Variants in ASPSCR1 observed in about 807,000 individuals in gnomAD.
ASPSCR1 encodes the protein tether containing UBX domain for GLUT4.
A neutral mutation model predicts 68.9 loss-of-function variants in ASPSCR1; 55 were observed. The observed-to-expected ratio is 0.80, with a 90% CI of 0.64 to 1.00. ASPSCR1 has a LOEUF of 1.00. Among genes scored for constraint, ASPSCR1 ranks in the 50% least tolerant of loss-of-function variants. The probability of loss-of-function intolerance (pLI) is 0.00; values close to 1 mark genes in which losing one functional copy is unlikely to be tolerated. For synonymous variants in ASPSCR1, 352 were observed against 332.6 expected (o/e 1.06, Z -0.63); for missense variants, 765 against 762.2 (o/e 1.00, Z -0.04).
chr17:81,983,551 C>A lies in ASPSCR1; in HGVS notation c.159-3C>A. 5.0e-6 allele frequency: 8 copies of A among 1,607,966 alleles called. No individual in the cohort carries two copies. Among genetic ancestry groups the A allele is most frequent in the Non-Finnish European group, 6.8e-6 (8 of 1,176,314 alleles). On this transcript the variant is annotated splice_region_variant and splice_polypyrimidine_tract_variant and intron_variant, in intron 2 of 15. Transcript: ENST00000306739. This position sits in a 1 kb window ranked among gnomAD's most constrained non-coding sequence, Gnocchi z 4.4. ...AGCAAGTGTGCTCTGGTCTGTCTTG[C>A]AGGTTTCAGAGGAGCGTGCTCGACC...
intron 1 of ASPSCR1, chr17:81,978,750 G>A (rs2041696659): frequency 8.7e-6 from 2 of 230,630 alleles, no homozygotes; most frequent in South Asian, 5.1e-5. Context: ...GCAAGGCCAC[G>A]GCTTTGGCTT....
rs762974117 is a variant in ASPSCR1, at chr17:82,009,098, G to A, written c.995G>A (p.Arg332Gln). Residue 332 changes from arginine (R) to glutamine (Q), a missense_variant, in exon 8 of 16, where the codon CGG becomes CAG. Arg to Gln is a conservative substitution (Grantham distance 43). Coordinates refer to ENST00000306739, the MANE Select transcript of ASPSCR1 (RefSeq NM_024083.4). ...GTGTGCCACCCCGACCTGGAGGAGC[G>A]GCTGCAGGCCTGGCCAGCGGAGCTG... ...PVVCHPDLEE[R>Q]LQAWPAELPD... is the part of the protein sequence containing the mutation. 8 of 1,592,948 alleles carry A rather than the reference G, an allele frequency of 5.0e-6. No individual in the cohort carries two copies. The highest frequency in any genetic ancestry group is 1.3e-5 in the African/African-American group (1 of 74,620).
intron 3 of ASPSCR1, among the ~76,000 whole-genome samples, chr17:81,985,279 C>A (rs2041959390): frequency 1.3e-5 from 2 of 152,246 alleles, no homozygotes; most frequent in South Asian, 4.1e-4. Context: ...CCTGCACATA[C>A]CTGCACACTC....
rs2041996169 is a variant in ASPSCR1 at position 81,986,428 on chromosome 17, C to T, written c.374+821C>T. On this transcript the variant is annotated intron_variant, in intron 4 of 15. Transcript: ENST00000306739. The surrounding 1 kb of genome is among the most constrained non-coding windows in gnomAD (Gnocchi z 5.2). ...TGGGCAACAGAACGAGACTCTGTCT[C>T]AAAAAAATAAATAAATAAAAATAAG... Among the ~76,000 whole-genome samples, 1 of 152,040 alleles carries T rather than the reference C, an allele frequency of 6.6e-6. No individual in the cohort carries two copies. Among genetic ancestry groups the T allele is most frequent in the Non-Finnish European group, 1.5e-5 (1 of 67,982 alleles).
In ASPSCR1 at chr17:81,983,484, T is replaced by C; in HGVS notation, c.159-70T>C. On this transcript the variant is annotated intron_variant, in intron 2 of 15. Coordinates refer to ENST00000306739, the MANE Select transcript of ASPSCR1 (RefSeq NM_024083.4). The surrounding 1 kb of genome is among the most constrained non-coding windows in gnomAD (Gnocchi z 4.4). ...CGGGGCGTGGATGGTGGGACGGGGA[T>C]GGCGGGGCGTGGATGGCAGGGCGTG... 7.8e-7 allele frequency: 1 copy of C among 1,284,844 alleles called. No individual in the cohort carries two copies. 79.6% of individuals were successfully genotyped at this position (1,284,844 alleles called of 1,614,324 possible). A position where few individuals can be genotyped will look rare whatever the true frequency, so the allele number is the denominator to read the frequency against.
intron 4 of ASPSCR1, among the ~76,000 whole-genome samples, chr17:81,991,800 A>G (rs1567965460): frequency 6.6e-6 from 1 of 152,236 alleles, no homozygotes; most frequent in South Asian, 2.1e-4. Context: ...GGCAGGGCGC[A>G]TGCTGCTGCC....
chr17:82,000,452 CGCCGCCA>C (rs925186083), intron 7 of ASPSCR1, among the ~76,000 whole-genome samples: 58 of 152,220 alleles, frequency 3.8e-4, no homozygotes, highest in African/African-American at 1.3e-3. Context: ...CGCCTCCCAT[CGCCGCCA>C]GCCGCACACG....
intron 12 of ASPSCR1, chr17:82,014,951 G>A: frequency 2.5e-6 from 3 of 1,180,212 alleles, no homozygotes; most frequent in Non-Finnish European, 3.5e-6. Context: ...CCAGGCAGGG[G>A]CAGCCTGAGA....
At position 82,016,952 on chromosome 17, in the gene ASPSCR1, G is replaced by A. The variant is rs904435024; in HGVS notation, c.1487G>A (p.Arg496Lys). ...ADVLVARYMS[R>K]AAGSPSPLPA... ...TCGCCTCCCCACAGGTACATGTCCA[G>A]GGCCGCCGGGTCCCCTTCCCCATTG... Residue 496 changes from arginine (R) to lysine (K), a missense_variant, in exon 15 of 16, where the codon AGG (arginine) becomes AAG (lysine). Transcript: ENST00000306739. 18 of 1,611,614 alleles carry A rather than the reference G, an allele frequency of 1.1e-5. No homozygotes were observed. The highest frequency in any genetic ancestry group is 1.5e-5 in the Non-Finnish European group (18 of 1,179,242).
rs1342947700 is a variant in ASPSCR1 at position 81,983,182 on chromosome 17, G to C, written c.159-372G>C. Among the ~76,000 whole-genome samples, 2 of 152,178 alleles carry C rather than the reference G, an allele frequency of 1.3e-5. No individual in the cohort carries two copies. The highest frequency in any genetic ancestry group is 3.8e-4 in the East Asian group (2 of 5,202). ...TGTGGTGGCTCCAGCCGTGACGGCC[G>C]GGGTCTGTGACACTCCAGCTTCCGC... On this transcript the variant is annotated intron_variant, in intron 2 of 15. Coordinates refer to ENST00000306739, the MANE Select transcript of ASPSCR1 (RefSeq NM_024083.4). The surrounding 1 kb of genome is among the most constrained non-coding windows in gnomAD (Gnocchi z 4.4).
chr17:82,004,398 C>T (rs2042639660), intron 7 of ASPSCR1: 1 of 152,230 alleles, frequency 6.6e-6, no homozygotes, highest in Non-Finnish European at 1.5e-5. Flanking sequence ...CCTTGGCGGC[C>T]CTCCTGGAGG....
Position 81,983,424 on chromosome 17 carries a change from G to A in ASPSCR1, c.159-130G>A. 2 of 735,456 alleles carry A rather than the reference G, an allele frequency of 2.7e-6. No individual in the cohort carries two copies. The highest frequency in any genetic ancestry group is 4.6e-6 in the Non-Finnish European group (2 of 437,624). The allele number at this position is 735,456 out of a possible 1,614,324, so 45.6% of individuals were successfully genotyped here. A position where few individuals can be genotyped will look rare whatever the true frequency, so the allele number is the denominator to read the frequency against. ...GGTCATGACGTCCCGCTGTTGGGGAGCTGCCACAGGACGTGGATGGCGGGG... is the reference window on the plus strand; with the variant it reads ...GGTCATGACGTCCCGCTGTTGGGGAACTGCCACAGGACGTGGATGGCGGGG... On this transcript the variant is annotated intron_variant, in intron 2 of 15. Transcript: ENST00000306739. The surrounding 1 kb of genome is among the most constrained non-coding windows in gnomAD (Gnocchi z 4.4).
At chr17:81,989,666 G>A (rs1466153098) in intron 4 of ASPSCR1, among the ~76,000 whole-genome samples, 4 of 152,168 alleles carry the variant, frequency 2.6e-5, no homozygotes, top group Non-Finnish European at 4.4e-5. Flanking sequence ...TGATTTCCTT[G>A]GATGGACACT....
At position 81,995,055 on chromosome 17, in the gene ASPSCR1, C is replaced by T. The variant is rs775051241; in HGVS notation, c.432+177C>T. On this transcript the variant is annotated intron_variant, in intron 5 of 15. Coordinates refer to ENST00000306739, the MANE Select transcript of ASPSCR1 (RefSeq NM_024083.4). The stretch of plus-strand genomic sequence containing the variant: ...GCCGGCCCTCGGAGCCCGGGCTGCC[C>T]CGAAACCTCCCTCGGCGCCCTGTTT... The T allele has an allele frequency of 3.9e-5, 24 of 615,800 alleles. No homozygotes were observed. The South Asian group carries it at 5.3e-4, about 14-fold the overall frequency. The allele number at this position is 615,800 out of a possible 1,614,324, so 38.1% of individuals were successfully genotyped here. A position where few individuals can be genotyped will look rare whatever the true frequency, so the allele number is the denominator to read the frequency against.
At chr17:82,012,403 C>A in intron 12 of ASPSCR1, 120 bp downstream of exon 12, 1 of 1,211,270 alleles carries the variant, frequency 8.3e-7, no homozygotes. Context: ...GATAATAAAG[C>A]CTTTGAGAGC....
intron 15 of ASPSCR1, 50 bp downstream of exon 15, chr17:82,017,163 G>C: frequency 6.4e-7 from 1 of 1,565,276 alleles, no homozygotes; most frequent in Non-Finnish European, 8.6e-7. Flanking sequence ...TGGAGGGCGG[G>C]GGTCCGGGTG....
At chr17:81,998,227 A>AC (rs2042419690) in intron 7 of ASPSCR1, among the ~76,000 whole-genome samples, 1 of 152,138 alleles carries the variant, frequency 6.6e-6, no homozygotes, top group African/African-American at 2.4e-5. Context: ...TATCTCAGCC[A>AC]CCCAAAATGC....
chr17:82,011,491 C>G (rs1447426093), intron 10 of ASPSCR1, 52 bp from the exon 11 acceptor site: 3 of 1,530,714 alleles, frequency 2.0e-6, no homozygotes, highest in Non-Finnish European at 1.8e-6. Flanking sequence ...TGGGGCAGCC[C>G]GGGGCTGGCG....
chr17:82,002,256 T>TC (rs1348264658), intron 7 of ASPSCR1, among the ~76,000 whole-genome samples: 1 of 152,020 alleles, frequency 6.6e-6, no homozygotes, highest in East Asian at 1.9e-4. Context: ...ATTTTCATTT[T>TC]ATTTTATTTT....
Sources: gnomAD v4.1 joint callset for allele counts (sites outside exome capture counted in the v4.1 genomes callset) on GRCh38, gnomAD v4.1.1 for gene constraint, Gnocchi (gnomAD v3.1) non-coding constraint, MANE v1.5 for transcripts, NCBI Gene and HGNC (gene_info 2026-07-23, HGNC 2026-07-21) for gene names.